Variants in DPP10 observed in about 807,000 individuals in gnomAD.
DPP10 encodes the protein dipeptidyl peptidase like 10, also known as inactive dipeptidyl peptidase 10.
A neutral mutation model predicts 120.9 loss-of-function variants in DPP10; 33 were observed. That is an observed-to-expected ratio of 0.27 (90% CI 0.21 to 0.37). The LOEUF (loss-of-function observed/expected upper bound fraction) is 0.37, where lower values mean the gene tolerates loss of function less well. DPP10 is among the 10% of genes least tolerant of loss of function. The pLI, the probability that DPP10 is intolerant of heterozygous loss-of-function variation, is 1.00. For missense variants in DPP10, 816 were observed against 942.8 expected (o/e 0.87, Z 1.76); for synonymous variants, 337 against 326.1 (o/e 1.03, Z -0.36).
At chr2:114,736,002 C>T (rs1677392093) in intron 1 of DPP10, among the ~76,000 whole-genome samples, 2 of 151,996 alleles carry the variant, frequency 1.3e-5, no homozygotes, top group South Asian at 4.1e-4. Flanking sequence ...TTAGCTTCTA[C>T]TATACTTAGA....
chr2:114,497,241 ATG>A (rs1558813740), intron 1 of DPP10, among the ~76,000 whole-genome samples: 5 of 144,644 alleles, frequency 3.5e-5, no homozygotes, highest in African/African-American at 1.3e-4. Context: ...GTGCGTATAC[ATG>A]TGTATGCATG....
chr2:115,389,211 C>T lies in DPP10; in HGVS notation c.271+45299C>T, dbSNP rs575869231. On this transcript the variant is annotated intron_variant, in intron 3 of 25. Coordinates refer to ENST00000410059, the MANE Select transcript of DPP10 (RefSeq NM_020868.6). ...GTTGACAGAACAAACAAAGTGCACACAGCTGCAACATTCCCTCTGCCTGCA... is the reference window on the plus strand; with the variant it reads ...GTTGACAGAACAAACAAAGTGCACATAGCTGCAACATTCCCTCTGCCTGCA... Among the ~76,000 whole-genome samples, 4 of 152,036 alleles carry T rather than the reference C, an allele frequency of 2.6e-5. No homozygotes were observed. In the South Asian group the frequency reaches 8.3e-4, roughly 32 times the overall value.
chr2:115,382,733 T>C (rs2066502463), intron 3 of DPP10, among the ~76,000 whole-genome samples: 1 of 152,214 alleles, frequency 6.6e-6, no homozygotes, highest in Admixed American at 6.5e-5. Flanking sequence ...GCTGGAATAG[T>C]TTTTCCCTTA....
chr2:115,005,741 T>C (rs1320376391), intron 1 of DPP10, among the ~76,000 whole-genome samples: 1 of 152,072 alleles, frequency 6.6e-6, no homozygotes, highest in African/African-American at 2.4e-5. Flanking sequence ...CTGCGTCTGA[T>C]TGGTGTACCT....
At chr2:114,844,467 A>G (rs1356766865) in intron 1 of DPP10, among the ~76,000 whole-genome samples, 1 of 151,628 alleles carries the variant, frequency 6.6e-6, no homozygotes, top group African/African-American at 2.4e-5. Context: ...AGGTTGAGAA[A>G]TTCCCTTTTT....
At chr2:114,670,276 T>C (rs1344217966) in intron 1 of DPP10, among the ~76,000 whole-genome samples, 1 of 152,074 alleles carries the variant, frequency 6.6e-6, no homozygotes, top group Non-Finnish European at 1.5e-5. Flanking sequence ...AACCCAAATG[T>C]CCCACAGTGA....
chr2:115,805,454 G>A (rs1194069438), intron 19 of DPP10, among the ~76,000 whole-genome samples: 2 of 151,986 alleles, frequency 1.3e-5, no homozygotes, highest in Non-Finnish European at 2.9e-5. Context: ...CCACTGTCTG[G>A]CACTCCCCAG....
chr2:114,959,613 G>T (rs4849363), intron 1 of DPP10, among the ~76,000 whole-genome samples: 144,279 of 152,272 alleles, frequency 0.95, 68,820 homozygotes, highest in Non-Finnish European at 1. Flanking sequence ...CTGGGTTTAA[G>T]AGTGACTCTA....
At chr2:114,764,706 T>TATA (rs929401392) in intron 1 of DPP10, among the ~76,000 whole-genome samples, 326 of 152,256 alleles carry the variant, frequency 2.1e-3, no homozygotes, top group African/African-American at 7.6e-3. Flanking sequence ...TGTTGCCCCA[T>TATA]ATAAATAACA....
chr2:114,672,403 T>G (rs1698404744), intron 1 of DPP10, among the ~76,000 whole-genome samples: 1 of 152,168 alleles, frequency 6.6e-6, no homozygotes, highest in African/African-American at 2.4e-5. Flanking sequence ...CAAAGAAGTG[T>G]TTGGGCAATA....
intron 1 of DPP10, among the ~76,000 whole-genome samples, chr2:114,889,946 C>T (rs1692403439): frequency 6.6e-6 from 1 of 152,150 alleles, no homozygotes. Flanking sequence ...GCCAAGTGCC[C>T]CACAGCCCAC....
intron 1 of DPP10, among the ~76,000 whole-genome samples, chr2:114,946,703 G>A (rs754933796): frequency 1.2e-4 from 18 of 151,254 alleles, no homozygotes; most frequent in Non-Finnish European, 2.2e-4. Context: ...TTTCATTTAG[G>A]ATTTTTTTTG....
intron 5 of DPP10, among the ~76,000 whole-genome samples, chr2:115,615,223 T>C (rs1017339625): frequency 2.0e-5 from 3 of 152,158 alleles, no homozygotes; most frequent in African/African-American, 7.2e-5. Context: ...CTTAGTTCCT[T>C]ACAGCTGGAT....
At chr2:114,497,318 TGTATACGTGTATACATGTAC>T (rs2104482567) in intron 1 of DPP10, among the ~76,000 whole-genome samples, 1 of 29,478 alleles carries the variant, frequency 3.4e-5, no homozygotes, top group East Asian at 5.9e-4. Context: ...TACATGTACA[TGTATACGTGTATACATGTAC>T]ATATACATAC....
chr2:115,107,532 G>C (rs1234171686), intron 1 of DPP10, among the ~76,000 whole-genome samples: 3 of 140,828 alleles, frequency 2.1e-5, no homozygotes, highest in East Asian at 4.3e-4. Flanking sequence ...CCAAAATTTC[G>C]ACAGCTGTTT....
chr2:115,508,370 A>T (rs533874184), intron 4 of DPP10, among the ~76,000 whole-genome samples: 2 of 151,790 alleles, frequency 1.3e-5, no homozygotes, highest in African/African-American at 4.8e-5. Flanking sequence ...AGCTCCTGCC[A>T]TAAGGAAAAC....
intron 10 of DPP10, among the ~76,000 whole-genome samples, chr2:115,752,284 A>G (rs1423337719): frequency 6.6e-6 from 1 of 152,174 alleles, no homozygotes; most frequent in Admixed American, 6.5e-5. Flanking sequence ...AGTTTTTTTA[A>G]GTTTTTATCA....
At chr2:114,789,211 A>G (rs1051555820) in intron 1 of DPP10, among the ~76,000 whole-genome samples, 2 of 152,200 alleles carry the variant, frequency 1.3e-5, no homozygotes, top group African/African-American at 2.4e-5. Flanking sequence ...ATGATCTTCT[A>G]TACAAAAGCA....
At chr2:115,210,970 T>C (rs2056473063) in intron 1 of DPP10, among the ~76,000 whole-genome samples, 1 of 152,156 alleles carries the variant, frequency 6.6e-6, no homozygotes, top group South Asian at 2.1e-4. Flanking sequence ...AACAATACTA[T>C]TGAGAAATAT....
Sources: gnomAD v4.1 joint callset for allele counts (sites outside exome capture counted in the v4.1 genomes callset) on GRCh38, gnomAD v4.1.1 for gene constraint, MANE v1.5 for transcripts, NCBI Gene and HGNC (gene_info 2026-07-23, HGNC 2026-07-21) for gene names.